Variants in DCHS2 observed in about 807,000 individuals in gnomAD.
DCHS2 encodes dachsous cadherin-related 2, also known as protocadherin-23.
A neutral mutation model predicts 182.4 loss-of-function variants in DCHS2; 142 were observed. The ratio of observed to expected loss-of-function variants is 0.78; its 90% CI spans 0.68 to 0.89. The LOEUF (loss-of-function observed/expected upper bound fraction) is 0.89. Among genes scored for constraint, DCHS2 ranks in the 40% least tolerant of loss-of-function variants. The pLI, the probability that DCHS2 is intolerant of heterozygous loss-of-function variation, is 0.00. For synonymous variants in DCHS2, 1,740 were observed against 1,663.3 expected (o/e 1.05, Z -1.12); for missense variants, 4,319 against 4,198.6 (o/e 1.03, Z -0.79).
chr4:154,332,706 C>T lies in DCHS2; in HGVS notation c.3502G>A (p.Gly1168Arg). Reference protein sequence around the residue: ...FRVFAWIPEDGFLQNVSTTVI... With the variant: ...FRVFAWIPEDRFLQNVSTTVI... ...GTAGTGCTCACATTTTGCAAGAATCCGTCCTCGGGGATCCAAGCAAACACT... is the reference window on the plus strand; with the variant it reads ...GTAGTGCTCACATTTTGCAAGAATCTGTCCTCGGGGATCCAAGCAAACACT... The change falls in exon 5 of 20, where the codon GGA (glycine) becomes AGA (arginine). Residue 1168 changes from glycine to arginine, a missense_variant. By Grantham distance (125) the Gly-to-Arg change is moderately radical. Coordinates refer to ENST00000357232, the MANE Select transcript of DCHS2 (RefSeq NM_001358235.2). 1 of 1,614,210 alleles carries T rather than the reference C, an allele frequency of 6.2e-7. No individual in the cohort carries two copies. Among genetic ancestry groups the T allele is most frequent in the Non-Finnish European group, 8.5e-7 (1 of 1,180,026 alleles).
chr4:154,297,800 G>C, intron 13 of DCHS2, 51 bp downstream of exon 13: 1 of 1,556,840 alleles, frequency 6.4e-7, no homozygotes, highest in Non-Finnish European at 8.7e-7. Context: ...GTACTCTTAA[G>C]CATTTTGTCA....
chr4:154,462,155 A>G (rs141755378), intron 1 of DCHS2, among the ~76,000 whole-genome samples: 1 of 152,158 alleles, frequency 6.6e-6, no homozygotes, highest in Non-Finnish European at 1.5e-5. Context: ...TCCCCTTAAC[A>G]TAGAGTATCT....
At chr4:154,362,271 T>C (rs1202001822) in intron 3 of DCHS2, among the ~76,000 whole-genome samples, 1 of 152,116 alleles carries the variant, frequency 6.6e-6, no homozygotes, top group African/African-American at 2.4e-5. Context: ...GGGAGAGTTT[T>C]GAGGAAACGT....
At chr4:154,481,604 C>G (rs1437443977) in intron 1 of DCHS2, among the ~76,000 whole-genome samples, 1 of 152,136 alleles carries the variant, frequency 6.6e-6, no homozygotes, top group Admixed American at 6.6e-5. Context: ...TTTAATCACA[C>G]TCAAGTGAAA....
intron 1 of DCHS2, among the ~76,000 whole-genome samples, chr4:154,419,385 A>G (rs1344396177): frequency 1.3e-5 from 2 of 152,154 alleles, no homozygotes; most frequent in African/African-American, 4.8e-5. Flanking sequence ...AGATGCAGCA[A>G]TTATATTTTA....
intron 16 of DCHS2, among the ~76,000 whole-genome samples, chr4:154,252,574 G>C (rs912546360): frequency 2.6e-5 from 4 of 151,606 alleles, no homozygotes; most frequent in Non-Finnish European, 5.9e-5. Context: ...ACAAATAAGT[G>C]AGAACATGTG....
intron 1 of DCHS2, among the ~76,000 whole-genome samples, chr4:154,440,027 A>G (rs1481504696): frequency 6.6e-6 from 1 of 152,214 alleles, no homozygotes; most frequent in African/African-American, 2.4e-5. Context: ...AAAGTCATCT[A>G]TTTATTGAAT....
chr4:154,266,133 G>A (rs551649708), intron 14 of DCHS2, among the ~76,000 whole-genome samples: 2 of 152,240 alleles, frequency 1.3e-5, no homozygotes, highest in African/African-American at 4.8e-5. Flanking sequence ...CACATGATAA[G>A]GTAAAGTGAG....
At chr4:154,433,381 G>GTTT (rs371333630) in intron 1 of DCHS2, among the ~76,000 whole-genome samples, 3 of 127,578 alleles carry the variant, frequency 2.4e-5, no homozygotes, top group Admixed American at 8.8e-5. Context: ...CAAATAACTA[G>GTTT]TTTTTTTTTT....
At chr4:154,391,133 G>T in intron 1 of DCHS2, 1 of 1,581,430 alleles carries the variant, frequency 6.3e-7, no homozygotes. Flanking sequence ...ACTTATAAAA[G>T]CTGATACTTA....
At chr4:154,482,260 C>T (rs1402316773) in intron 1 of DCHS2, among the ~76,000 whole-genome samples, 2 of 152,166 alleles carry the variant, frequency 1.3e-5, no homozygotes, top group East Asian at 3.8e-4. Context: ...TAGTTAATGG[C>T]TTCCATCAAT....
chr4:154,397,891 A>G (rs7686473), intron 1 of DCHS2, among the ~76,000 whole-genome samples: 107,638 of 152,018 alleles, frequency 0.71, 39,874 homozygotes, highest in Admixed American at 0.81. Context: ...AAAACCTGGC[A>G]CAAAATCTCA....
rs199574007 is a variant in DCHS2 at position 154,235,700 on chromosome 4, T to A, written c.8952A>T (p.Gly2984=). The A allele has an allele frequency of 3.1e-6, 5 of 1,614,056 alleles. No individual in the cohort carries two copies. The highest frequency in any genetic ancestry group is 4.2e-6 in the Non-Finnish European group (5 of 1,179,962). Reference sequence around the variant, plus strand: ...TGCTGGCGAACACTGCCAAGGGTGTTCCTTCAGAGGAGAAAGACACATTCA... The same window carrying A: ...TGCTGGCGAACACTGCCAAGGGTGTACCTTCAGAGGAGAAAGACACATTCA... ...VFVNVSFSSE[G]TPLAVFASSF... Residue 2984 remains glycine (G), a synonymous_variant, in exon 20 of 20, where the codon GGA becomes GGT. Transcript: ENST00000357232.
chr4:154,389,145 T>A (rs1455721045), intron 1 of DCHS2, among the ~76,000 whole-genome samples: 2 of 152,142 alleles, frequency 1.3e-5, no homozygotes, highest in Non-Finnish European at 2.9e-5. Flanking sequence ...CCAGTAGAAT[T>A]TTATTTACAC....
In DCHS2 at chr4:154,315,773, C is replaced by G. The variant is rs1297788629; in HGVS notation, c.5235G>C (p.Arg1745Ser). The change falls in exon 10 of 20, where the codon AGG becomes AGC. Residue 1745 changes from arginine to serine, a missense_variant. Coordinates refer to ENST00000357232, the MANE Select transcript of DCHS2 (RefSeq NM_001358235.2). ...CTGAATCTCTGTCCAGAGCTTCAAC[C>G]CTGGTAACAAACTCCCCTGGATTTT... Reference protein sequence around the residue: ...ENQNPGEFVTRVEALDRDSGV... With the variant: ...ENQNPGEFVTSVEALDRDSGV... The G allele has an allele frequency of 6.2e-7, 1 of 1,613,990 alleles. No homozygotes were observed. The highest frequency in any genetic ancestry group is 1.7e-5 in the Admixed American group (1 of 59,990).
intron 1 of DCHS2, among the ~76,000 whole-genome samples, chr4:154,469,429 T>G (rs1223497475): frequency 6.6e-6 from 1 of 152,180 alleles, no homozygotes; most frequent in Non-Finnish European, 1.5e-5. Flanking sequence ...ATTCAGATTT[T>G]CCCCATATTA....
chr4:154,316,627 AC>A (rs1361558425), intron 9 of DCHS2, among the ~76,000 whole-genome samples: 2 of 152,028 alleles, frequency 1.3e-5, no homozygotes, highest in East Asian at 3.9e-4. Flanking sequence ...CTCTAAAAAC[AC>A]AAAAAACTAG....
chr4:154,485,584 G>C (rs1282059449), intron 1 of DCHS2, among the ~76,000 whole-genome samples: 1 of 152,180 alleles, frequency 6.6e-6, no homozygotes, highest in Non-Finnish European at 1.5e-5. Context: ...GCTTGTTGCT[G>C]TCCCCAGCAC....
rs199517951 is a variant in DCHS2, at chr4:154,305,036, A to G, written c.5395+61T>C. The stretch of plus-strand genomic sequence containing the variant: ...AAAATATAACATTTCACCACTTAAC[A>G]GGTTTTTTTTAAATTTAATTTTTAA... On this transcript the variant is annotated intron_variant, in intron 11 of 19. Coordinates refer to ENST00000357232, the MANE Select transcript of DCHS2 (RefSeq NM_001358235.2). The G allele has an allele frequency of 5.7e-5, 86 of 1,510,448 alleles. 1 individual carries two copies. In the East Asian group the frequency reaches 2.1e-3, roughly 37 times the overall value. 93.6% of individuals were successfully genotyped at this position (1,510,448 alleles called of 1,614,324 possible).
Sources: gnomAD v4.1 joint callset for allele counts (sites outside exome capture counted in the v4.1 genomes callset) on GRCh38, gnomAD v4.1.1 for gene constraint, MANE v1.5 for transcripts, NCBI Gene and HGNC (gene_info 2026-07-23, HGNC 2026-07-21) for gene names.